Variants in CDH18 observed in about 807,000 individuals in gnomAD.
CDH18 encodes cadherin-18.
CDH18 carries 31 observed loss-of-function variants against 67.9 expected under a neutral mutation model. The observed-to-expected ratio is 0.46, with a 90% CI of 0.34 to 0.62. The LOEUF is 0.62. CDH18 is among the 20% of genes least tolerant of loss of function. The pLI is 0.01. For synonymous variants in CDH18, 362 were observed against 347.2 expected, an observed-to-expected ratio of 1.04 and a Z score of -0.48; for missense variants, 890 against 975.5, an observed-to-expected ratio of 0.91 and a Z score of 1.17.
At chr5:19,743,906 G>A (rs944073182) in intron 4 of CDH18, among the ~76,000 whole-genome samples, 22 of 129,662 alleles carry the variant, frequency 1.7e-4, no homozygotes, top group Non-Finnish European at 3.1e-4. Context: ...GGGCGGCAGA[G>A]TGAGACTCTT....
At chr5:19,932,333 C>T (rs1031075155) in intron 2 of CDH18, among the ~76,000 whole-genome samples, 15 of 151,802 alleles carry the variant, frequency 9.9e-5, no homozygotes, top group South Asian at 4.2e-4. Flanking sequence ...TATTAAAGTA[C>T]GCGTGTTATT....
intron 2 of CDH18, among the ~76,000 whole-genome samples, chr5:20,180,705 G>A (rs780894310): frequency 2.6e-5 from 4 of 152,054 alleles, no homozygotes; most frequent in Non-Finnish European, 5.9e-5. Context: ...TATATCCAGT[G>A]CATTGTTGGC....
intron 1 of CDH18, among the ~76,000 whole-genome samples, chr5:20,439,211 C>T (rs530610900): frequency 6.6e-6 from 1 of 151,564 alleles, no homozygotes; most frequent in African/African-American, 2.4e-5. Context: ...TTTTGATTCC[C>T]TATAATATTC....
Position 20,112,554 on chromosome 5 carries a change from T to C in CDH18, c.-517-120540A>G, listed in dbSNP as rs545671009. On this transcript the variant is annotated intron_variant, in intron 2 of 14. Transcript: ENST00000507958. ...TTGAAAAATAAATCCCCAAATCTAC[T>C]TGGGAGGCCGAGGCAGGAGAATTGC... is the stretch of plus-strand genomic sequence containing the variant. Among the ~76,000 whole-genome samples the C allele has an allele frequency of 2.7e-3, 405 of 152,082 alleles. 2 individuals carry two copies. The highest frequency in any genetic ancestry group is 3.6e-3 in the Non-Finnish European group (247 of 67,998).
At chr5:20,078,021 C>A (rs929433408) in intron 2 of CDH18, among the ~76,000 whole-genome samples, 8 of 152,084 alleles carry the variant, frequency 5.3e-5, no homozygotes, top group Non-Finnish European at 1.2e-4. Context: ...ATTCAGACTG[C>A]CTGTGCATGG....
chr5:19,934,525 T>A (rs185352287), intron 2 of CDH18, among the ~76,000 whole-genome samples: 27 of 151,594 alleles, frequency 1.8e-4, no homozygotes, highest in African/African-American at 6.3e-4. Flanking sequence ...TTGCTAACAA[T>A]GAAGCCTAAA....
intron 1 of CDH18, among the ~76,000 whole-genome samples, chr5:20,257,045 T>G (rs1744305809): frequency 6.6e-6 from 1 of 151,962 alleles, no homozygotes; most frequent in African/African-American, 2.4e-5. Flanking sequence ...GGCAAAACTT[T>G]CAGATTCTAT....
At chr5:20,525,202 G>GC (rs1755975125) in intron 1 of CDH18, among the ~76,000 whole-genome samples, 1 of 152,128 alleles carries the variant, frequency 6.6e-6, no homozygotes, top group African/African-American at 2.4e-5. Flanking sequence ...TGAGATTCTT[G>GC]CTGGGGGGAC....
Position 19,533,838 on chromosome 5 carries a change from A to G in CDH18, c.1390+10031T>C, listed in dbSNP as rs1749023614. On this transcript the variant is annotated intron_variant, in intron 9 of 12. Coordinates refer to ENST00000382275, the MANE Select transcript of CDH18 (RefSeq NM_004934.5). The stretch of plus-strand genomic sequence containing the variant: ...ACCCCTTTCTGATTGCTCTTATTTT[A>G]TAAGTTTTTGGAGAAGCAATGTTAT... Among the ~76,000 whole-genome samples the G allele has an allele frequency of 2.0e-5, 3 of 152,130 alleles. No individual in the cohort carries two copies. In the South Asian group the frequency reaches 6.2e-4, roughly 32 times the overall value.
chr5:19,892,985 C>A (rs1383268058), intron 2 of CDH18, among the ~76,000 whole-genome samples: 1 of 152,054 alleles, frequency 6.6e-6, no homozygotes, highest in Non-Finnish European at 1.5e-5. Flanking sequence ...TTTGTCTCCC[C>A]AAAAGTCATA....
intron 1 of CDH18, among the ~76,000 whole-genome samples, chr5:20,413,868 T>C (rs897377595): frequency 6.6e-6 from 1 of 152,230 alleles, no homozygotes; most frequent in Non-Finnish European, 1.5e-5. Context: ...TTTGGTGTTT[T>C]AGTCATGAAG....
At chr5:20,478,004 A>C (rs868663596) in intron 1 of CDH18, among the ~76,000 whole-genome samples, 18 of 152,128 alleles carry the variant, frequency 1.2e-4, no homozygotes, top group African/African-American at 4.1e-4. Flanking sequence ...CTGGGTAAGA[A>C]GGGAACATGC....
At chr5:20,188,396 C>T (rs975764412) in intron 2 of CDH18, among the ~76,000 whole-genome samples, 12 of 152,002 alleles carry the variant, frequency 7.9e-5, no homozygotes, top group Non-Finnish European at 1.3e-4. Flanking sequence ...ATCAGTCTCA[C>T]TCTGAATCTA....
chr5:19,710,370 A>G (rs2150525438), intron 5 of CDH18, among the ~76,000 whole-genome samples: 1 of 152,272 alleles, frequency 6.6e-6, no homozygotes, highest in East Asian at 1.9e-4. Context: ...CAATGCACTA[A>G]CCATTATGGA....
intron 1 of CDH18, among the ~76,000 whole-genome samples, chr5:20,496,757 G>A (rs1286353497): frequency 6.6e-6 from 1 of 152,094 alleles, no homozygotes; most frequent in Non-Finnish European, 1.5e-5. Flanking sequence ...TAGTTGCTAT[G>A]CTCAAGACAC....
At position 20,083,387 on chromosome 5, in the gene CDH18, T is replaced by C. The variant is rs1261293653; in HGVS notation, c.-517-91373A>G. On this transcript the variant is annotated intron_variant, in intron 2 of 14. Coordinates refer to the CDH18 transcript ENST00000507958. ...ATGCTGTGGTTTTTTTGTTGTTGTT[T>C]TGTTTCATTTTGTTTATTTTTTTTA... 2.6e-5 allele frequency among the ~76,000 whole-genome samples: 4 copies of C among 152,334 alleles called. No individual in the cohort carries two copies. The East Asian group carries it at 5.8e-4, about 22-fold the overall frequency.
chr5:20,257,799 C>G (rs1744360431), intron 1 of CDH18, among the ~76,000 whole-genome samples: 1 of 152,100 alleles, frequency 6.6e-6, no homozygotes, highest in Non-Finnish European at 1.5e-5. Context: ...ATCACACTAT[C>G]TTGTCTCCTT....
chr5:19,699,636 G>GTGTGTC lies in CDH18; in HGVS notation c.643+21705_643+21710dup, dbSNP rs1554007628. On this transcript the variant is annotated intron_variant, in intron 5 of 12. Transcript: ENST00000382275. ...CATGTGTGTGTGTGTGTGTGTGTGTGTGTGTCTGTGTGTGTGTGTGTGTGT... is the reference window on the plus strand; with the variant it reads ...CATGTGTGTGTGTGTGTGTGTGTGTGTGTGTCTGTGTCTGTGTGTGTGTGTGTGTGT... Among the ~76,000 whole-genome samples the GTGTGTC allele has an allele frequency of 7.5e-4, 110 of 147,614 alleles. 4 individuals are homozygous for GTGTGTC. The highest frequency in any genetic ancestry group is 2.5e-3 in the African/African-American group (101 of 39,626).
chr5:20,199,696 G>A (rs1327913600), intron 2 of CDH18, among the ~76,000 whole-genome samples: 1 of 152,094 alleles, frequency 6.6e-6, no homozygotes, highest in Non-Finnish European at 1.5e-5. Flanking sequence ...TGGTTTGGCT[G>A]TTTCCTCACC....
Sources: allele counts gnomAD v4.1 joint callset (sites outside exome capture counted in the v4.1 genomes callset), GRCh38; gene constraint gnomAD v4.1.1; transcripts MANE v1.5; gene names NCBI Gene and HGNC (gene_info 2026-07-23, HGNC 2026-07-21).